Variants in GPR158 observed in about 807,000 individuals in gnomAD.
The protein encoded by GPR158 is G protein-coupled receptor 158, also known as metabotropic glycine receptor.
Under a neutral mutation model 78.2 loss-of-function variants are expected in GPR158, and 30 were observed. The observed-to-expected ratio is 0.38, with a 90% confidence interval of 0.29 to 0.52. The LOEUF (loss-of-function observed/expected upper bound fraction) is 0.52, where lower values mean the gene tolerates loss of function less well. Ranked by LOEUF, GPR158 falls within the 20% of genes least tolerant of loss-of-function variation. GPR158 has a pLI of 0.83. For synonymous variants in GPR158, 581 were observed against 591.1 expected (o/e 0.98, Z 0.25); for missense variants, 1,463 against 1,523.5 (o/e 0.96, Z 0.66).
intron 2 of GPR158, among the ~76,000 whole-genome samples, chr10:25,373,558 A>T (rs2130554160): frequency 1.3e-5 from 2 of 152,018 alleles, no homozygotes; most frequent in Middle Eastern, 3.4e-3. Flanking sequence ...ATATGAATTT[A>T]GGGCGATAAA....
chr10:25,401,898 A>G (rs751068947), intron 3 of GPR158, among the ~76,000 whole-genome samples: 15 of 152,146 alleles, frequency 9.9e-5, no homozygotes, highest in Non-Finnish European at 2.1e-4. Context: ...TGTTTTAAAA[A>G]TAAAATATAA....
At chr10:25,234,438 G>C (rs926021618) in intron 2 of GPR158, among the ~76,000 whole-genome samples, 1 of 152,174 alleles carries the variant, frequency 6.6e-6, no homozygotes, top group Non-Finnish European at 1.5e-5. Flanking sequence ...TGCATTATGG[G>C]TAAGAATGTT....
intron 2 of GPR158, among the ~76,000 whole-genome samples, chr10:25,325,902 ATT>A (rs34026835): frequency 1.7e-3 from 238 of 144,054 alleles, no homozygotes; most frequent in Middle Eastern, 3.6e-3. Flanking sequence ...GGCCATTTGT[ATT>A]TTTTTTTTTT....
chr10:25,405,117 T>C (rs1834494980), intron 3 of GPR158, among the ~76,000 whole-genome samples: 1 of 152,094 alleles, frequency 6.6e-6, no homozygotes, highest in Non-Finnish European at 1.5e-5. Flanking sequence ...AATAATAAAT[T>C]ACATCAATGT....
chr10:25,430,249 C>G (rs1834881933), intron 4 of GPR158, among the ~76,000 whole-genome samples: 2 of 151,752 alleles, frequency 1.3e-5, no homozygotes, highest in South Asian at 4.2e-4. Context: ...CATGAGTGAA[C>G]TCCCATTCAC....
intron 2 of GPR158, among the ~76,000 whole-genome samples, chr10:25,280,707 T>TTATGTATGTATGTATGTATG (rs34530811): frequency 2.0e-5 from 3 of 151,492 alleles, no homozygotes; most frequent in Admixed American, 6.6e-5. Context: ...TCAACACATT[T>TTATGTATGTATGTATGTATG]TATGTATGTA....
chr10:25,175,698 A>G lies in GPR158; in HGVS notation c.278A>G (p.Gln93Arg). The G allele has an allele frequency of 1.9e-6, 3 of 1,611,776 alleles. No homozygotes were observed. In the South Asian group the frequency reaches 3.3e-5, roughly 18 times the overall value. ...ASYLYTGDSHQLKRANCSGRY... is the reference protein window; with the variant it reads ...ASYLYTGDSHRLKRANCSGRY... Reference sequence around the variant, plus strand: ...TACCTCTACACCGGGGACTCCCACCAGCTGAAGCGAGCCAACTGCTCCGGC... The same window carrying G: ...TACCTCTACACCGGGGACTCCCACCGGCTGAAGCGAGCCAACTGCTCCGGC... Residue 93 changes from glutamine to arginine, a missense_variant, in exon 1 of 11, where the codon CAG becomes CGG. Physicochemically the swap from Gln to Arg is conservative, Grantham distance 43 (BLOSUM62 1). Coordinates refer to ENST00000376351, the MANE Select transcript of GPR158 (RefSeq NM_020752.3). The surrounding 1 kb of genome is among the most constrained non-coding windows in gnomAD (Gnocchi z 6.4).
chr10:25,512,527 TTTCTC>T (rs1387502413), intron 5 of GPR158, among the ~76,000 whole-genome samples: 1 of 152,140 alleles, frequency 6.6e-6, no homozygotes, highest in Non-Finnish European at 1.5e-5. Context: ...CCTTTATTTC[TTTCTC>T]TTCTCTGCTC....
chr10:25,594,206 T>C (rs1253401574), intron 8 of GPR158, 86 bp from the exon 9 acceptor site: 1 of 745,194 alleles, frequency 1.3e-6, no homozygotes, highest in East Asian at 2.5e-5. Context: ...TTTAATACAA[T>C]GAGGAAAAAA....
intron 5 of GPR158, among the ~76,000 whole-genome samples, chr10:25,508,731 G>T (rs1288052733): frequency 6.6e-6 from 1 of 152,060 alleles, no homozygotes; most frequent in African/African-American, 2.4e-5. Flanking sequence ...AAGCTGTTTT[G>T]ATAATGTTTT....
intron 5 of GPR158, among the ~76,000 whole-genome samples, chr10:25,512,376 T>G (rs184562259): frequency 6.6e-6 from 1 of 152,290 alleles, no homozygotes; most frequent in East Asian, 1.9e-4. Context: ...TTGTGTACAT[T>G]AATTTTATAA....
intron 5 of GPR158, among the ~76,000 whole-genome samples, chr10:25,484,652 A>G (rs1835708170): frequency 6.6e-6 from 1 of 152,186 alleles, no homozygotes; most frequent in Non-Finnish European, 1.5e-5. Flanking sequence ...TGTTTTTGCT[A>G]TGTAGAAAGA....
At chr10:25,199,875 A>C (rs1326602421) in intron 1 of GPR158, among the ~76,000 whole-genome samples, 1 of 152,150 alleles carries the variant, frequency 6.6e-6, no homozygotes, top group Non-Finnish European at 1.5e-5. Context: ...ACAGTATTCC[A>C]TGGTGTATAT....
At chr10:25,532,201 A>G (rs939826516) in intron 5 of GPR158, among the ~76,000 whole-genome samples, 29 of 152,224 alleles carry the variant, frequency 1.9e-4, no homozygotes, top group Non-Finnish European at 2.9e-5. Context: ...GACCCTAAAG[A>G]GAAAGAGGTG....
intron 5 of GPR158, among the ~76,000 whole-genome samples, chr10:25,509,554 G>A (rs1447063507): frequency 6.6e-6 from 1 of 152,042 alleles, no homozygotes; most frequent in African/African-American, 2.4e-5. Flanking sequence ...GTTCTTGGCT[G>A]GGATGACTAT....
chr10:25,319,839 A>C (rs187835454), intron 2 of GPR158, among the ~76,000 whole-genome samples: 10 of 150,328 alleles, frequency 6.7e-5, no homozygotes, highest in East Asian at 3.9e-4. Flanking sequence ...CCAAAAAAAA[A>C]CCCTGACCTG....
chr10:25,521,121 C>T (rs1836265374), intron 5 of GPR158, among the ~76,000 whole-genome samples: 1 of 152,226 alleles, frequency 6.6e-6, no homozygotes, highest in East Asian at 1.9e-4. Flanking sequence ...GGGAGTGACC[C>T]GATTTTCCAG....
At chr10:25,191,536 G>A (rs536613730) in intron 1 of GPR158, among the ~76,000 whole-genome samples, 9 of 152,254 alleles carry the variant, frequency 5.9e-5, no homozygotes, top group East Asian at 3.9e-4. Flanking sequence ...TTTGTAATTC[G>A]GAAGTAGTTA....
intron 1 of GPR158, among the ~76,000 whole-genome samples, chr10:25,180,398 T>C (rs745973902): frequency 1.3e-5 from 2 of 152,238 alleles, no homozygotes; most frequent in South Asian, 2.1e-4. Flanking sequence ...TTTAGATCTG[T>C]CCAGCTATGA....
Sources: gnomAD v4.1 joint callset for allele counts (sites outside exome capture counted in the v4.1 genomes callset) on GRCh38, gnomAD v4.1.1 for gene constraint, Gnocchi (gnomAD v3.1) non-coding constraint, MANE v1.5 for transcripts, NCBI Gene and HGNC (gene_info 2026-07-23, HGNC 2026-07-21) for gene names.